Variants in CEP85L observed in about 807,000 individuals in gnomAD.
The protein encoded by CEP85L is centrosomal protein of 85 kDa-like.
In CEP85L, 60 loss-of-function variants were observed where a neutral mutation model predicts 100.3. That is an observed-to-expected ratio of 0.60 (90% CI 0.49 to 0.74). The LOEUF (loss-of-function observed/expected upper bound fraction) is 0.74. Among genes scored for constraint, CEP85L ranks in the 30% least tolerant of loss-of-function variants. CEP85L has a pLI of 0.00. For synonymous variants in CEP85L, 319 were observed against 322.7 expected (o/e 0.99, Z 0.12); for missense variants, 973 against 936.2 (o/e 1.04, Z -0.51).
chr6:118,657,806 A>G (rs572760770), intron 1 of CEP85L, among the ~76,000 whole-genome samples: 3 of 152,336 alleles, frequency 2.0e-5, no homozygotes, highest in East Asian at 3.9e-4. Context: ...AAACTTACTG[A>G]GTTAACTGAT....
rs533555935 is a variant in CEP85L, at chr6:118,587,449, TG to T, written c.233-21134del. ...TGTAATTGCTGATAGTTCAAAGATT[TG>T]AGGAGAGTGCAACAAGGGTGATATA... On this transcript the variant is annotated intron_variant, in intron 2 of 12. Transcript: ENST00000368491. 9.2e-5 allele frequency among the ~76,000 whole-genome samples: 14 copies of T among 152,244 alleles called. No individual in the cohort carries two copies. The East Asian group carries it at 2.7e-3, about 29-fold the overall frequency.
At chr6:118,682,959 A>G (rs1014506454) in intron 1 of CEP85L, among the ~76,000 whole-genome samples, 5 of 152,194 alleles carry the variant, frequency 3.3e-5, no homozygotes, top group Non-Finnish European at 5.9e-5. Flanking sequence ...CACAGTGAGG[A>G]CAAAGGCACC....
chr6:118,627,146 A>T (rs369179220), intron 2 of CEP85L, among the ~76,000 whole-genome samples: 16 of 150,508 alleles, frequency 1.1e-4, no homozygotes, highest in African/African-American at 3.9e-4. Context: ...TTACAGTGAG[A>T]CAAAATCCCG....
chr6:118,639,705 T>G (rs932133904), intron 1 of CEP85L, among the ~76,000 whole-genome samples: 3 of 152,194 alleles, frequency 2.0e-5, no homozygotes, highest in African/African-American at 7.2e-5. Context: ...GAAAGGCAAC[T>G]TTTTTTAGTG....
chr6:118,545,448 C>T (rs570596760), intron 3 of CEP85L, among the ~76,000 whole-genome samples: 79 of 152,196 alleles, frequency 5.2e-4, no homozygotes, highest in African/African-American at 1.8e-3. Flanking sequence ...GTTAGCTGGG[C>T]GTGGTGGCAC....
intron 3 of CEP85L, among the ~76,000 whole-genome samples, chr6:118,564,117 A>G (rs923481671): frequency 6.9e-6 from 1 of 145,114 alleles, no homozygotes; most frequent in African/African-American, 2.5e-5. Flanking sequence ...TGTGTCCCCA[A>G]CCTCCCTACC....
At chr6:118,694,997 A>G (rs1777160133) in intron 1 of CEP85L, among the ~76,000 whole-genome samples, 1 of 152,126 alleles carries the variant, frequency 6.6e-6, no homozygotes, top group Non-Finnish European at 1.5e-5. Flanking sequence ...TTAAATTTTT[A>G]TTGTAGACAT....
chr6:118,476,455 A>G (rs990796936), intron 10 of CEP85L, among the ~76,000 whole-genome samples: 2 of 152,176 alleles, frequency 1.3e-5, no homozygotes, highest in African/African-American at 4.8e-5. Flanking sequence ...ATTTCAAGAC[A>G]TAACACAATT....
At chr6:118,539,703 G>C (rs1777798439) in intron 3 of CEP85L, among the ~76,000 whole-genome samples, 2 of 151,900 alleles carry the variant, frequency 1.3e-5, no homozygotes, top group African/African-American at 4.8e-5. Flanking sequence ...CCATCACCTA[G>C]GTATTAAGCC....
At chr6:118,508,268 GAA>G (rs1169043674) in intron 5 of CEP85L, among the ~76,000 whole-genome samples, 2 of 151,870 alleles carry the variant, frequency 1.3e-5, no homozygotes, top group African/African-American at 2.4e-5. Flanking sequence ...TAAATGGAAA[GAA>G]AAAGAATAAA....
intron 1 of CEP85L, among the ~76,000 whole-genome samples, chr6:118,688,252 C>T (rs996257838): frequency 3.3e-5 from 5 of 152,272 alleles, no homozygotes; most frequent in South Asian, 4.1e-4. Context: ...CCACATGCCT[C>T]GGTCTCCCAA....
intron 6 of CEP85L, among the ~76,000 whole-genome samples, chr6:118,487,293 T>C (rs573601213): frequency 1.9e-4 from 29 of 152,266 alleles, no homozygotes; most frequent in African/African-American, 4.6e-4. Context: ...CAGAGGAAGA[T>C]TGGCAGAACC....
chr6:118,503,539 TATA>T (rs1164224257), intron 5 of CEP85L, among the ~76,000 whole-genome samples: 4 of 152,126 alleles, frequency 2.6e-5, no homozygotes, highest in Non-Finnish European at 5.9e-5. Context: ...CTTCAAGACT[TATA>T]ATAAGGCTAC....
intron 5 of CEP85L, chr6:118,501,936 A>G (rs1349332396): frequency 1.0e-6 from 1 of 992,248 alleles, no homozygotes; most frequent in East Asian, 2.4e-5. Flanking sequence ...ATTTAGAGAG[A>G]CAGTAGGAGC....
chr6:118,650,745 C>A (rs6906398), intron 1 of CEP85L, among the ~76,000 whole-genome samples: 237 of 152,298 alleles, frequency 1.6e-3, no homozygotes, highest in African/African-American at 5.4e-3. Context: ...TACCAGAAGT[C>A]GGGAGGGCGC....
At chr6:118,652,642 AT>A (rs113686644), upstream of CEP85L, 14 of 1,525,404 alleles carry the variant, frequency 9.2e-6, no homozygotes, top group African/African-American at 9.7e-5. Flanking sequence ...TAATTGGGAA[AT>A]ACTACTTAAA....
chr6:118,525,711 C>T (rs1776924425), intron 3 of CEP85L, among the ~76,000 whole-genome samples: 1 of 152,212 alleles, frequency 6.6e-6, no homozygotes, highest in South Asian at 2.1e-4. Context: ...TTTCAACTTC[C>T]AGAACTGTGA....
chr6:118,698,916 T>G (rs1777304957), intron 1 of CEP85L, among the ~76,000 whole-genome samples: 1 of 152,178 alleles, frequency 6.6e-6, no homozygotes. Context: ...CCATGATAAC[T>G]GTGTTAAACT....
rs933953837 is a variant in CEP85L, at chr6:118,463,637, T to G, written c.*1768A>C. 6.6e-6 allele frequency: 1 copy of G among 152,042 alleles called. No individual in the cohort carries two copies. Among genetic ancestry groups the G allele is most frequent in the Admixed American group, 6.6e-5 (1 of 15,244 alleles). The allele number at this position is 152,042 out of a possible 1,614,324, so 9.4% of individuals were successfully genotyped here. On this transcript the variant is annotated 3_prime_UTR_variant, in exon 13 of 13. Transcript: ENST00000368491. ...ACCAGTGACTAAGACCCTCCTTAGG[T>G]TAAGGACTCTGGGATGCAGGAGCAC...
Sources: allele counts gnomAD v4.1 joint callset (sites outside exome capture counted in the v4.1 genomes callset), GRCh38; gene constraint gnomAD v4.1.1; transcripts MANE v1.5; gene names NCBI Gene and HGNC (gene_info 2026-07-23, HGNC 2026-07-21).